RANBP2: variants seen among roughly 807,000 people sequenced by gnomAD.
RANBP2 encodes the protein E3 SUMO-protein ligase RanBP2.
A neutral mutation model predicts 303.6 loss-of-function variants in RANBP2; 57 were observed. The observed-to-expected ratio is 0.19, with a 90% CI of 0.15 to 0.23. RANBP2 has a LOEUF of 0.23. RANBP2 is among the 10% of genes least tolerant of loss of function. The probability of loss-of-function intolerance (pLI) is 1.00; values close to 1 mark genes in which losing one functional copy is unlikely to be tolerated. For missense variants in RANBP2, 3,138 were observed against 3,780.8 expected, an observed-to-expected ratio of 0.83 and a Z score of 4.46; for synonymous variants, 1,167 against 1,301.5, an observed-to-expected ratio of 0.90 and a Z score of 2.23.
At chr2:109,379,457 C>T in the RANBP2 span, among the ~76,000 whole-genome samples, 1 of 152,216 alleles carries the variant, frequency 6.6e-6, no homozygotes, top group Non-Finnish European at 1.5e-5. Context: ...TGCTGGTGTT[C>T]CCTACACTTC....
chr2:109,058,430 C>T, the RANBP2 span, among the ~76,000 whole-genome samples: 4 of 152,260 alleles, frequency 2.6e-5, no homozygotes, highest in East Asian at 3.9e-4. Context: ...TAAAACGATG[C>T]GGGCAGCCCT....
the RANBP2 span, among the ~76,000 whole-genome samples, chr2:109,799,124 T>C: frequency 3.7e-5 from 1 of 27,056 alleles, no homozygotes; most frequent in Non-Finnish European, 5.7e-5. Context: ...AAAAATTAGC[T>C]GGGCATGGTG....
the RANBP2 span, among the ~76,000 whole-genome samples, chr2:109,010,899 A>G: frequency 6.6e-5 from 10 of 152,164 alleles, no homozygotes; most frequent in Admixed American, 3.9e-4. Flanking sequence ...GCTACAGGTG[A>G]GCCTACAGGT....
chr2:109,735,319 G>A, the RANBP2 span, among the ~76,000 whole-genome samples: 2 of 152,050 alleles, frequency 1.3e-5, no homozygotes, highest in East Asian at 1.9e-4. Flanking sequence ...GTTCATTCAC[G>A]TTGTTGTAAA....
chr2:108,900,727 A>T, the RANBP2 span, among the ~76,000 whole-genome samples: 1 of 152,210 alleles, frequency 6.6e-6, no homozygotes, highest in East Asian at 1.9e-4. Context: ...AATACATATC[A>T]TGCAAACTTC....
chr2:108,885,157 T>C, the RANBP2 span: 1 of 152,226 alleles, frequency 6.6e-6, no homozygotes, highest in Admixed American at 6.5e-5. Flanking sequence ...CAAACCCACC[T>C]TTACCCGCCC....
At chr2:109,563,067 T>A in the RANBP2 span, among the ~76,000 whole-genome samples, 1 of 152,120 alleles carries the variant, frequency 6.6e-6, no homozygotes, top group Non-Finnish European at 1.5e-5. Flanking sequence ...TGTGCCACCA[T>A]ACCCAGCTAA....
chr2:109,501,699 CAG>C, the RANBP2 span: 1 of 735,726 alleles, frequency 1.4e-6, no homozygotes, highest in Admixed American at 1.9e-5. Flanking sequence ...ACCCAGCTCA[CAG>C]AGGGGGAGGC....
the RANBP2 span, chr2:109,501,659 C>A: frequency 2.6e-6 from 2 of 767,958 alleles, no homozygotes; most frequent in African/African-American, 3.4e-5. Flanking sequence ...GCAGCTTCGT[C>A]GAGAGCTTCT....
At chr2:108,724,287 T>C (rs1226255930) in intron 1 of RANBP2, among the ~76,000 whole-genome samples, 3 of 152,074 alleles carry the variant, frequency 2.0e-5, no homozygotes, top group Non-Finnish European at 2.9e-5. Context: ...CTCAGCCTCC[T>C]GAGTAGTGGG....
the RANBP2 span, among the ~76,000 whole-genome samples, chr2:109,350,742 A>G: frequency 0.013 from 2,002 of 152,334 alleles, 21 homozygotes; most frequent in Non-Finnish European, 0.018. Context: ...GACAACCTCC[A>G]TGTGAATCAG....
chr2:109,592,930 T>C, the RANBP2 span: 1 of 514,912 alleles, frequency 1.9e-6, no homozygotes, highest in East Asian at 3.2e-5. Context: ...TTAATTCACG[T>C]TGGAGGTAAG....
the RANBP2 span, among the ~76,000 whole-genome samples, chr2:108,938,904 C>T: frequency 3.1e-4 from 46 of 150,286 alleles, 1 homozygote; most frequent in Admixed American, 2.7e-3. Flanking sequence ...CTCAGCCTCT[C>T]GAGTAGCTGC....
the RANBP2 span, among the ~76,000 whole-genome samples, chr2:109,106,877 C>T: frequency 3.1e-4 from 47 of 151,614 alleles, no homozygotes; most frequent in Non-Finnish European, 6.2e-4. Context: ...AATCCTAATC[C>T]CTTAGTGTTT....
At chr2:109,724,972 C>A in the RANBP2 span, among the ~76,000 whole-genome samples, 1 of 152,248 alleles carries the variant, frequency 6.6e-6, no homozygotes, top group South Asian at 2.1e-4. Flanking sequence ...TGAGGCAAAC[C>A]TGAGTCAAAC....
the RANBP2 span, among the ~76,000 whole-genome samples, chr2:109,207,820 T>C: frequency 3.3e-5 from 5 of 152,332 alleles, 2 homozygotes; most frequent in Admixed American, 3.3e-4. Flanking sequence ...AATTTTCTTT[T>C]TTAAAAAAAA....
the RANBP2 span, among the ~76,000 whole-genome samples, chr2:108,811,432 G>A: frequency 6.6e-6 from 1 of 151,744 alleles, no homozygotes; most frequent in South Asian, 2.1e-4. Context: ...TTGTTGTAGA[G>A]ATGAGGTCTT....
chr2:109,220,319 C>T, the RANBP2 span, among the ~76,000 whole-genome samples: 1 of 152,226 alleles, frequency 6.6e-6, no homozygotes, highest in African/African-American at 2.4e-5. Flanking sequence ...AATTATAAAA[C>T]TGTTATAAGA....
the RANBP2 span, chr2:109,665,534 T>C: frequency 6.6e-5 from 10 of 151,530 alleles, no homozygotes; most frequent in African/African-American, 2.4e-4. Flanking sequence ...AGAGACAGGG[T>C]TTCTCCATGT....
Sources: allele counts gnomAD v4.1 joint callset (sites outside exome capture counted in the v4.1 genomes callset), GRCh38; gene constraint gnomAD v4.1.1; transcripts MANE v1.5; gene names NCBI Gene and HGNC (gene_info 2026-07-23, HGNC 2026-07-21).